The following NLRP8 variants were observed in gnomAD, a reference collection of about 807,000 sequenced individuals.
NLRP8 encodes NLR family pyrin domain containing 8.
In NLRP8, 86 loss-of-function variants were observed where a neutral mutation model predicts 88.7. That is an observed-to-expected ratio of 0.97 (90% CI 0.81 to 1.16). The LOEUF is 1.16. NLRP8 is among the 50% of genes most tolerant of loss of function. The probability of loss-of-function intolerance (pLI) is 0.00; values close to 1 mark genes in which losing one functional copy is unlikely to be tolerated. For synonymous variants in NLRP8, 504 were observed against 494.6 expected (o/e 1.02, Z -0.25); for missense variants, 1,342 against 1,286.5 (o/e 1.04, Z -0.66).
At chr19:55,984,611 G>A (rs550455942) in intron 9 of NLRP8, among the ~76,000 whole-genome samples, 7 of 142,094 alleles carry the variant, frequency 4.9e-5, no homozygotes, top group South Asian at 2.3e-4. Context: ...CCGAGATCGC[G>A]CCATTGCACT....
chr19:55,980,399 G>A (rs773053900), intron 9 of NLRP8, among the ~76,000 whole-genome samples: 6 of 152,168 alleles, frequency 3.9e-5, no homozygotes, highest in Non-Finnish European at 8.8e-5. Flanking sequence ...TTACCTCAAC[G>A]CTTAGTAACT....
At chr19:55,969,201 G>A (rs1244020005) in intron 5 of NLRP8, among the ~76,000 whole-genome samples, 1 of 152,150 alleles carries the variant, frequency 6.6e-6, no homozygotes, top group South Asian at 2.1e-4. Flanking sequence ...TAGTGCACTT[G>A]TCACCCAAGC....
chr19:55,968,081 T>G (rs1979920010), intron 5 of NLRP8, among the ~76,000 whole-genome samples: 1 of 152,222 alleles, frequency 6.6e-6, no homozygotes, highest in South Asian at 2.1e-4. Context: ...CACTGAAACA[T>G]GAATTTAATA....
chr19:55,961,443 G>A (rs1033429269), intron 3 of NLRP8, among the ~76,000 whole-genome samples: 2 of 151,928 alleles, frequency 1.3e-5, no homozygotes, highest in Non-Finnish European at 2.9e-5. Flanking sequence ...ATATACACAG[G>A]GTAAGAATGT....
At position 55,955,144 on chromosome 19, in the gene NLRP8, A is replaced by T. The variant is rs1262453599; in HGVS notation, c.1086A>T (p.Lys362Asn). Residue 362 changes from lysine (K) to asparagine (N), a missense_variant, in exon 3 of 10, where the codon AAA (lysine) becomes AAT (asparagine). By Grantham distance (94) the Lys-to-Asn change is moderately conservative (BLOSUM62 0). Transcript: ENST00000291971. Reference sequence around the variant, plus strand: ...TTCCGGGGTTTAATACGATGGAAAAAATCAAGTATTTCCAGATGTATTTTG... The same window carrying T: ...TTCCGGGGTTTAATACGATGGAAAATATCAAGTATTTCCAGATGTATTTTG... 6.2e-7 allele frequency: 1 copy of T among 1,613,876 alleles called. No individual in the cohort carries two copies. Among genetic ancestry groups the T allele is most frequent in the African/African-American group, 1.3e-5 (1 of 74,926 alleles).
chr19:55,971,928 T>TACAGTCAGAC (rs1980090882), intron 6 of NLRP8, among the ~76,000 whole-genome samples: 1 of 152,130 alleles, frequency 6.6e-6, no homozygotes, highest in Non-Finnish European at 1.5e-5. Flanking sequence ...GACTATTTTT[T>TACAGTCAGAC]TATCATCTGA....
intron 3 of NLRP8, among the ~76,000 whole-genome samples, chr19:55,958,692 C>T (rs1462260531): frequency 6.6e-6 from 1 of 152,114 alleles, no homozygotes; most frequent in East Asian, 1.9e-4. Flanking sequence ...CCAACCCCTG[C>T]TCTAGCATAT....
intron 8 of NLRP8, among the ~76,000 whole-genome samples, chr19:55,977,647 C>T (rs1400878159): frequency 6.6e-6 from 1 of 150,424 alleles, no homozygotes; most frequent in Non-Finnish European, 1.5e-5. Flanking sequence ...GATATAAAAG[C>T]ATTCGTTCTG....
chr19:55,973,523 TG>T, intron 6 of NLRP8, 128 bp from the exon 7 acceptor site: 1 of 743,236 alleles, frequency 1.3e-6, no homozygotes, highest in South Asian at 2.9e-5. Context: ...TTGGAAGTCC[TG>T]AGTGGTGATG....
At chr19:55,957,673 T>TAATATATA (rs1378405360) in intron 3 of NLRP8, among the ~76,000 whole-genome samples, 6 of 31,206 alleles carry the variant, frequency 1.9e-4, no homozygotes, top group African/African-American at 1.2e-3. Context: ...AAAATAATAA[T>TAATATATA]TATATATATA....
intron 8 of NLRP8, among the ~76,000 whole-genome samples, chr19:55,978,233 G>T (rs1445339804): frequency 1.3e-5 from 2 of 151,922 alleles, no homozygotes; most frequent in African/African-American, 2.4e-5. Flanking sequence ...AAGTTTTAGA[G>T]GGGGGAGGGA....
intron 8 of NLRP8, among the ~76,000 whole-genome samples, chr19:55,976,555 G>C (rs932221381): frequency 6.6e-6 from 1 of 152,046 alleles, no homozygotes; most frequent in Non-Finnish European, 1.5e-5. Flanking sequence ...CTGAGGGTGG[G>C]ATGCAGCAAT....
In NLRP8 at chr19:55,962,195, C is replaced by T. The variant is rs147934431; in HGVS notation, c.2171C>T (p.Ala724Val). 3.2e-5 allele frequency: 51 copies of T among 1,614,142 alleles called. No homozygotes were observed. The highest frequency in any genetic ancestry group is 1.6e-4 in the South Asian group (15 of 91,084). ...GGGCCTCCTTTTTTGAAGGCTCTCG[C>T]GGCCGCACTGAGGCACCCTCAGTGC... Residue 724 changes from alanine to valine, a missense_variant, in exon 4 of 10, where the codon GCG becomes GTG. Coordinates refer to ENST00000291971, the MANE Select transcript of NLRP8 (RefSeq NM_176811.2).
chr19:55,966,447 T>C (rs753578178), intron 5 of NLRP8, 67 bp downstream of exon 5: 18 of 1,443,406 alleles, frequency 1.2e-5, no homozygotes, highest in Non-Finnish European at 1.7e-5. Flanking sequence ...AGGGCGGTGA[T>C]GAGAGGCTCA....
At position 55,957,671 on chromosome 19, in the gene NLRP8, AATTAT is replaced by A. The variant is rs1235031563; in HGVS notation, c.2042+1574_2042+1578del. Among the ~76,000 whole-genome samples the A allele has an allele frequency of 4.2e-3, 235 of 55,322 alleles. 8 individuals carry two copies. Among genetic ancestry groups the A allele is most frequent in the African/African-American group, 0.019 (208 of 11,184 alleles). The allele number at this position is 55,322 out of a possible 152,430, so 36.3% of individuals were successfully genotyped here. On this transcript the variant is annotated intron_variant, in intron 3 of 9. Coordinates refer to ENST00000291971, the MANE Select transcript of NLRP8 (RefSeq NM_176811.2). ...ACTATCTTAAAAAAGAAAAAATAATAATTATATATATATATATATATATATATATA... is the reference window on the plus strand; with the variant it reads ...ACTATCTTAAAAAAGAAAAAATAATAATATATATATATATATATATATATA...
At chr19:55,978,815 G>A (rs1434376143) in intron 8 of NLRP8, among the ~76,000 whole-genome samples, 1 of 152,108 alleles carries the variant, frequency 6.6e-6, no homozygotes, top group Non-Finnish European at 1.5e-5. Flanking sequence ...CCAGCTGCTA[G>A]GGAGGCTACT....
chr19:55,979,336 G>C, intron 8 of NLRP8, 58 bp from the exon 9 acceptor site: 3 of 1,587,760 alleles, frequency 1.9e-6, no homozygotes, highest in Non-Finnish European at 2.6e-6. Context: ...CACCGGCTGA[G>C]CTCTCAGATG....
At chr19:55,949,211 T>A (rs1008672087) in intron 1 of NLRP8, among the ~76,000 whole-genome samples, 4 of 152,190 alleles carry the variant, frequency 2.6e-5, no homozygotes, top group African/African-American at 9.6e-5. Flanking sequence ...TAATTTATAA[T>A]TTAAACTTTT....
chr19:55,970,476 T>G lies in NLRP8; in HGVS notation c.2382-68T>G, dbSNP rs79442753. ...AAGACTGAGACATGAGACAGTGGAA[T>G]CCAGGAGGTCCTACAGGTACCATTT... On this transcript the variant is annotated intron_variant, in intron 5 of 9. Coordinates refer to ENST00000291971, the MANE Select transcript of NLRP8 (RefSeq NM_176811.2). 1.5e-3 allele frequency: 2,318 copies of G among 1,541,924 alleles called. 36 individuals carry two copies. In the African/African-American group the frequency reaches 0.029, roughly 19 times the overall value.
Sources: gnomAD v4.1 joint callset for allele counts (sites outside exome capture counted in the v4.1 genomes callset) on GRCh38, gnomAD v4.1.1 for gene constraint, MANE v1.5 for transcripts, NCBI Gene and HGNC (gene_info 2026-07-23, HGNC 2026-07-21) for gene names.